Variants in BMPR1B observed in about 807,000 individuals in gnomAD.
BMPR1B encodes the protein bone morphogenetic protein receptor type-1B.
Under a neutral mutation model 59.1 loss-of-function variants are expected in BMPR1B, and 12 were observed. That is an observed-to-expected ratio of 0.20 (90% CI 0.13 to 0.33). BMPR1B has a LOEUF of 0.33. BMPR1B is among the 10% of genes least tolerant of loss of function. The probability of loss-of-function intolerance (pLI) is 1.00; values close to 1 mark genes in which losing one functional copy is unlikely to be tolerated. For synonymous variants in BMPR1B, 237 were observed against 207.3 expected (o/e 1.14, Z -1.23); for missense variants, 550 against 610.9 (o/e 0.90, Z 1.05).
intron 12 of BMPR1B, 60 bp from the exon 13 acceptor site, chr4:95,154,488 A>G: frequency 1.2e-6 from 2 of 1,609,602 alleles, no homozygotes; most frequent in Non-Finnish European, 1.7e-6. Context: ...CTAAAAAGCT[A>G]CATTGTAACA....
chr4:94,818,997 G>C lies in BMPR1B; in HGVS notation c.-182-56834G>C, dbSNP rs544458323. 5.9e-5 allele frequency among the ~76,000 whole-genome samples: 9 copies of C among 152,182 alleles called. No individual in the cohort carries two copies. In the South Asian group the frequency reaches 1.7e-3, roughly 28 times the overall value. On this transcript the variant is annotated intron_variant, in intron 1 of 12. Transcript: ENST00000515059. ...AAAAATTTTTAAAAATTAATTGGGT[G>C]TGGTGGCATGCACCTGTAGTCCCAG...
rs1579015585 is a variant in BMPR1B at position 95,063,881 on chromosome 4, A to G, written c.-17-40527A>G. 2.0e-5 allele frequency among the ~76,000 whole-genome samples: 3 copies of G among 152,258 alleles called. No homozygotes were observed. The East Asian group carries it at 5.8e-4, about 29-fold the overall frequency. On this transcript the variant is annotated intron_variant, in intron 3 of 12. Transcript: ENST00000515059. ...GGCATTCATAGAGGAGTAATATGGA[A>G]ATATAGGAAAAGAAGCTAAATAAAT... is the stretch of plus-strand genomic sequence containing the variant.
chr4:94,766,409 T>A (rs1206051309), intron 1 of BMPR1B, among the ~76,000 whole-genome samples: 1 of 74,480 alleles, frequency 1.3e-5, no homozygotes, highest in Non-Finnish European at 2.8e-5. Flanking sequence ...GCTCCTGTCT[T>A]TTTTTTTTTT....
At chr4:94,801,879 A>C (rs1723421623) in intron 1 of BMPR1B, among the ~76,000 whole-genome samples, 1 of 152,226 alleles carries the variant, frequency 6.6e-6, no homozygotes, top group Non-Finnish European at 1.5e-5. Context: ...GAGAGAGTTA[A>C]CAGTTAATTA....
At chr4:94,899,973 C>A (rs973845825) in intron 2 of BMPR1B, among the ~76,000 whole-genome samples, 4 of 151,898 alleles carry the variant, frequency 2.6e-5, no homozygotes, top group Non-Finnish European at 5.9e-5. Flanking sequence ...CCGTACAGTT[C>A]TAGAAAATAG....
chr4:95,115,091 T>G (rs1384905966), intron 5 of BMPR1B, among the ~76,000 whole-genome samples: 4 of 152,144 alleles, frequency 2.6e-5, no homozygotes, highest in Non-Finnish European at 5.9e-5. Context: ...AGTATTAAGT[T>G]CAGTGACATG....
At chr4:95,051,272 A>C (rs527913997) in intron 3 of BMPR1B, among the ~76,000 whole-genome samples, 2 of 152,356 alleles carry the variant, frequency 1.3e-5, no homozygotes, top group East Asian at 1.9e-4. Context: ...CTTAGCAGAG[A>C]TAAAAATGTT....
intron 10 of BMPR1B, among the ~76,000 whole-genome samples, chr4:95,133,286 C>T (rs370705635): frequency 7.9e-5 from 12 of 152,216 alleles, no homozygotes; most frequent in African/African-American, 2.9e-4. Context: ...TTCTTGAAGC[C>T]TAATTTTGGG....
At chr4:95,058,381 T>C (rs1175491333) in intron 3 of BMPR1B, among the ~76,000 whole-genome samples, 1 of 152,212 alleles carries the variant, frequency 6.6e-6, no homozygotes, top group Admixed American at 6.5e-5. Flanking sequence ...TGCCGTACAG[T>C]GTTCAGTGTT....
chr4:95,069,808 CTG>C (rs1386815177), intron 3 of BMPR1B, among the ~76,000 whole-genome samples: 2 of 152,072 alleles, frequency 1.3e-5, no homozygotes, highest in Non-Finnish European at 2.9e-5. Context: ...ATTTTAGAAA[CTG>C]TAATTTTGGC....
chr4:95,142,948 C>T (rs1347359177), intron 10 of BMPR1B, among the ~76,000 whole-genome samples: 1 of 151,988 alleles, frequency 6.6e-6, no homozygotes, highest in Non-Finnish European at 1.5e-5. Context: ...AAAAAACTCC[C>T]CCTTACTCCT....
At chr4:95,054,140 T>C (rs183949113) in intron 3 of BMPR1B, among the ~76,000 whole-genome samples, 26 of 152,312 alleles carry the variant, frequency 1.7e-4, no homozygotes, top group Admixed American at 7.8e-4. Flanking sequence ...ATCAGGTGCA[T>C]AAAAATATTT....
intron 2 of BMPR1B, among the ~76,000 whole-genome samples, chr4:94,945,635 G>C (rs564186401): frequency 3.3e-5 from 5 of 152,074 alleles, no homozygotes; most frequent in Non-Finnish European, 7.4e-5. Context: ...AGGTCTCACC[G>C]TGTTGCCCAG....
chr4:94,897,292 C>T (rs1727623713), intron 2 of BMPR1B, among the ~76,000 whole-genome samples: 1 of 152,096 alleles, frequency 6.6e-6, no homozygotes, highest in East Asian at 1.9e-4. Flanking sequence ...TTGGGTGCTC[C>T]CAATGTAAAT....
intron 2 of BMPR1B, among the ~76,000 whole-genome samples, chr4:94,939,168 A>G (rs1729424242): frequency 6.6e-6 from 1 of 152,204 alleles, no homozygotes; most frequent in Non-Finnish European, 1.5e-5. Context: ...GCAAAGGATG[A>G]AGGAAACTGA....
chr4:95,036,881 G>A (rs1198603493), intron 3 of BMPR1B, among the ~76,000 whole-genome samples: 1 of 151,962 alleles, frequency 6.6e-6, no homozygotes, highest in South Asian at 2.1e-4. Context: ...GTCGGCATTT[G>A]TTATTGCCTT....
At chr4:95,073,494 C>T (rs1728473995) in intron 3 of BMPR1B, among the ~76,000 whole-genome samples, 1 of 152,098 alleles carries the variant, frequency 6.6e-6, no homozygotes, top group Admixed American at 6.6e-5. Flanking sequence ...TCATTTCCTC[C>T]CAACATCATA....
chr4:94,800,220 A>G (rs967146807), intron 1 of BMPR1B, among the ~76,000 whole-genome samples: 1 of 152,178 alleles, frequency 6.6e-6, no homozygotes, highest in Non-Finnish European at 1.5e-5. Flanking sequence ...TGTTTTAGAA[A>G]GATTTACAAA....
chr4:94,857,433 A>T (rs1041261791), intron 1 of BMPR1B, among the ~76,000 whole-genome samples: 6 of 152,214 alleles, frequency 3.9e-5, no homozygotes, highest in African/African-American at 1.4e-4. Flanking sequence ...ATATAAAATG[A>T]CAACAGAATT....
Sources: gnomAD v4.1 joint callset for allele counts (sites outside exome capture counted in the v4.1 genomes callset) on GRCh38, gnomAD v4.1.1 for gene constraint, MANE v1.5 for transcripts, NCBI Gene and HGNC (gene_info 2026-07-23, HGNC 2026-07-21) for gene names.